Variants in ST6GALNAC3 observed in about 807,000 individuals in gnomAD.
The protein encoded by ST6GALNAC3 is ST6 N-acetylgalactosaminide alpha-2,6-sialyltransferase 3, also known as alpha-N-acetylgalactosaminide alpha-2,6-sialyltransferase 3.
ST6GALNAC3 carries 25 observed loss-of-function variants against 32.7 expected under a neutral mutation model. The observed-to-expected ratio is 0.76, with a 90% CI of 0.56 to 1.07. The LOEUF (loss-of-function observed/expected upper bound fraction) is 1.07. Among genes scored for constraint, ST6GALNAC3 ranks in the 50% least tolerant of loss-of-function variants. ST6GALNAC3 has a pLI of 0.00. For synonymous variants in ST6GALNAC3, 129 were observed against 133.1 expected, an observed-to-expected ratio of 0.97 and a Z score of 0.21; for missense variants, 355 against 382.4, an observed-to-expected ratio of 0.93 and a Z score of 0.60.
chr1:76,540,978 G>T (rs1663953863), intron 3 of ST6GALNAC3, among the ~76,000 whole-genome samples: 1 of 152,188 alleles, frequency 6.6e-6, no homozygotes, highest in African/African-American at 2.4e-5. Flanking sequence ...GTGCTTGGGA[G>T]CATAGAAAGG....
chr1:76,508,922 A>C (rs1661656049), intron 3 of ST6GALNAC3, among the ~76,000 whole-genome samples: 1 of 152,182 alleles, frequency 6.6e-6, no homozygotes, highest in Non-Finnish European at 1.5e-5. Flanking sequence ...TCCAGGATAA[A>C]CCAGATGGTG....
intron 1 of ST6GALNAC3, among the ~76,000 whole-genome samples, chr1:76,241,710 C>A (rs1479630524): frequency 6.6e-6 from 1 of 152,054 alleles, no homozygotes; most frequent in African/African-American, 2.4e-5. Context: ...GTCTAGTACA[C>A]AAAAAGAATA....
At chr1:76,221,282 C>T (rs548374316) in intron 1 of ST6GALNAC3, among the ~76,000 whole-genome samples, 1 of 152,284 alleles carries the variant, frequency 6.6e-6, no homozygotes, top group South Asian at 2.1e-4. Context: ...AGTCATATTG[C>T]ATCATAAACT....
At chr1:76,418,521 C>G (rs1166191041) in intron 3 of ST6GALNAC3, among the ~76,000 whole-genome samples, 2 of 152,038 alleles carry the variant, frequency 1.3e-5, no homozygotes, top group African/African-American at 4.8e-5. Flanking sequence ...CAGGTTATTC[C>G]TAACTCAGAA....
chr1:76,176,546 G>A (rs1396989779), intron 1 of ST6GALNAC3, among the ~76,000 whole-genome samples: 5 of 152,154 alleles, frequency 3.3e-5, no homozygotes. Flanking sequence ...GTTCAAAATA[G>A]TTAATTATTG....
rs561127803 is a variant in ST6GALNAC3 at position 76,347,757 on chromosome 1, C to G, written c.213+33758C>G. ...TCCTGGGTTCAAGCTCTTGCTCTAT[C>G]TATCACTAATTAGCTCTATGATCTT... On this transcript the variant is annotated intron_variant, in intron 2 of 4. Transcript: ENST00000328299. Among the ~76,000 whole-genome samples the G allele has an allele frequency of 3.5e-4, 54 of 152,222 alleles. 1 individual carries two copies. Among genetic ancestry groups the G allele is most frequent in the Admixed American group, 1.1e-3 (17 of 15,284 alleles).
intron 1 of ST6GALNAC3, 158 bp downstream of exon 1, chr1:76,075,042 AT>A (rs1418308681): frequency 1.1e-6 from 1 of 913,802 alleles, no homozygotes; most frequent in Non-Finnish European, 1.7e-6. Flanking sequence ...ATGGAGGGAG[AT>A]TCTGAAACAT....
At chr1:76,433,521 G>A (rs912189217) in intron 3 of ST6GALNAC3, among the ~76,000 whole-genome samples, 5 of 152,264 alleles carry the variant, frequency 3.3e-5, no homozygotes, top group South Asian at 2.1e-4. Flanking sequence ...GCAATGAAAC[G>A]ATTTCTATTT....
intron 1 of ST6GALNAC3, among the ~76,000 whole-genome samples, chr1:76,237,750 T>C (rs1370174276): frequency 6.6e-6 from 1 of 152,100 alleles, no homozygotes; most frequent in African/African-American, 2.4e-5. Flanking sequence ...AAAATATTTC[T>C]GGAGATGGAA....
At chr1:76,201,064 A>G (rs1244974162) in intron 1 of ST6GALNAC3, among the ~76,000 whole-genome samples, 1 of 152,154 alleles carries the variant, frequency 6.6e-6, no homozygotes, top group African/African-American at 2.4e-5. Flanking sequence ...TGAAAAAAAA[A>G]GAAGGAAAAA....
chr1:76,272,324 G>GAA (rs55839101), intron 1 of ST6GALNAC3, among the ~76,000 whole-genome samples: 23,507 of 111,680 alleles, frequency 0.21, 2,226 homozygotes, highest in East Asian at 0.37. Context: ...CTCAGTCTCG[G>GAA]AAAAAAAAAA....
chr1:76,405,587 ATGTGTG>A (rs749170623), intron 2 of ST6GALNAC3, among the ~76,000 whole-genome samples: 1 of 136,228 alleles, frequency 7.3e-6, no homozygotes, highest in African/African-American at 2.9e-5. Flanking sequence ...AAGGTAACAG[ATGTGTG>A]TGTGTGTGTG....
chr1:76,637,276 A>G (rs781606418), downstream of ST6GALNAC3: 9 of 152,202 alleles, frequency 5.9e-5, no homozygotes, highest in Non-Finnish European at 1.3e-4. Context: ...AATCAGATTT[A>G]CTTGGAATGG....
intron 1 of ST6GALNAC3, among the ~76,000 whole-genome samples, chr1:76,265,757 A>C (rs1284615380): frequency 6.6e-6 from 1 of 152,198 alleles, no homozygotes; most frequent in African/African-American, 2.4e-5. Flanking sequence ...TGAATATATA[A>C]AATCTCAAGC....
chr1:76,291,152 G>A (rs947857190), intron 1 of ST6GALNAC3, among the ~76,000 whole-genome samples: 1 of 152,230 alleles, frequency 6.6e-6, no homozygotes, highest in Admixed American at 6.5e-5. Context: ...GGTTCCTGGG[G>A]CCTACTAAAT....
At chr1:76,584,964 G>A (rs920882581) in intron 3 of ST6GALNAC3, among the ~76,000 whole-genome samples, 1 of 152,198 alleles carries the variant, frequency 6.6e-6, no homozygotes, top group African/African-American at 2.4e-5. Flanking sequence ...GTTAGCCTGG[G>A]TCCCAGAGTG....
At chr1:76,256,942 A>G (rs2100715721) in intron 1 of ST6GALNAC3, among the ~76,000 whole-genome samples, 1 of 152,306 alleles carries the variant, frequency 6.6e-6, no homozygotes, top group African/African-American at 2.4e-5. Flanking sequence ...AAAGAAACTT[A>G]TAAAACCAGA....
At chr1:76,187,037 A>C (rs1653599665) in intron 1 of ST6GALNAC3, among the ~76,000 whole-genome samples, 1 of 151,926 alleles carries the variant, frequency 6.6e-6, no homozygotes, top group Non-Finnish European at 1.5e-5. Context: ...ATTTTTTAAA[A>C]CTCAAAATGT....
At chr1:76,442,817 A>T (rs974578987) in intron 3 of ST6GALNAC3, among the ~76,000 whole-genome samples, 2 of 152,182 alleles carry the variant, frequency 1.3e-5, no homozygotes, top group Admixed American at 1.3e-4. Flanking sequence ...TTTGTAATGG[A>T]ATTTAAGATT....
Sources: allele counts gnomAD v4.1 joint callset (sites outside exome capture counted in the v4.1 genomes callset), GRCh38; gene constraint gnomAD v4.1.1; transcripts MANE v1.5; gene names NCBI Gene and HGNC (gene_info 2026-07-23, HGNC 2026-07-21).